PRORP: variants seen among roughly 807,000 people sequenced by gnomAD.
PRORP encodes the protein mitochondrial ribonuclease P catalytic subunit.
In PRORP, 51 loss-of-function variants were observed where a neutral mutation model predicts 59.4. That is an observed-to-expected ratio of 0.86 (90% CI 0.69 to 1.08). PRORP has a LOEUF of 1.08. Among genes scored for constraint, PRORP ranks in the 50% least tolerant of loss-of-function variants. The pLI is 0.00. For synonymous variants in PRORP, 231 were observed against 245.6 expected, an observed-to-expected ratio of 0.94 and a Z score of 0.55; for missense variants, 646 against 690.3, an observed-to-expected ratio of 0.94 and a Z score of 0.72.
chr14:35,227,910 C>T (rs754333544), intron 5 of PRORP, among the ~76,000 whole-genome samples: 1 of 151,490 alleles, frequency 6.6e-6, no homozygotes, highest in Non-Finnish European at 1.5e-5. Context: ...TTTGGGAGGC[C>T]GAGGTCGGTG....
rs577770531 is a variant in PRORP, at chr14:35,262,625, G to A, written c.1276-4102G>A. On this transcript the variant is annotated intron_variant, in intron 5 of 7. Coordinates refer to ENST00000534898, the MANE Select transcript of PRORP (RefSeq NM_014672.4). ...TTGGAAAGAAAGAAAAGAGGCTCCA[G>A]GTTGATAAATGGTGGGGAAACTGAA... 1.0e-4 allele frequency: 75 copies of A among 743,884 alleles called. 1 individual carries two copies. Among genetic ancestry groups the A allele is most frequent in the South Asian group, 9.7e-4 (72 of 74,272 alleles). The allele number at this position is 743,884 out of a possible 1,614,324, so 46.1% of individuals were successfully genotyped here.
chr14:35,230,359 G>T (rs927496446), intron 5 of PRORP, among the ~76,000 whole-genome samples: 1 of 152,144 alleles, frequency 6.6e-6, no homozygotes, highest in Non-Finnish European at 1.5e-5. Flanking sequence ...ACCCATTACT[G>T]TAAATTCTGA....
intron 4 of PRORP, among the ~76,000 whole-genome samples, chr14:35,167,113 T>G (rs1383803402): frequency 2.0e-5 from 3 of 152,210 alleles, no homozygotes; most frequent in African/African-American, 7.2e-5. Context: ...TCCCGTTACC[T>G]GCTTATACCA....
chr14:35,188,424 C>T (rs1266850550), intron 5 of PRORP, among the ~76,000 whole-genome samples: 5 of 151,094 alleles, frequency 3.3e-5, no homozygotes, highest in Non-Finnish European at 5.9e-5. Context: ...CTCCTGACCT[C>T]GTGATCTGCC....
At chr14:35,190,254 C>T (rs1262826287) in intron 5 of PRORP, among the ~76,000 whole-genome samples, 5 of 145,662 alleles carry the variant, frequency 3.4e-5, no homozygotes, top group Middle Eastern at 3.8e-3. Flanking sequence ...CAAAATTAGC[C>T]GGGCGTGGTG....
intron 5 of PRORP, among the ~76,000 whole-genome samples, chr14:35,183,166 A>G (rs1225045582): frequency 6.6e-6 from 1 of 152,080 alleles, no homozygotes; most frequent in African/African-American, 2.4e-5. Context: ...TGTTTGTTAG[A>G]TAAGTTTGTG....
intron 5 of PRORP, chr14:35,222,802 T>G (rs573911115): frequency 2.0e-4 from 31 of 152,328 alleles, no homozygotes; most frequent in African/African-American, 7.0e-4. Flanking sequence ...TCCTGATAGT[T>G]TACTGAGTTT....
chr14:35,203,392 T>C (rs183116542), intron 5 of PRORP, among the ~76,000 whole-genome samples: 39 of 152,096 alleles, frequency 2.6e-4, no homozygotes, highest in Admixed American at 2.4e-3. Flanking sequence ...GCCGGTGTGG[T>C]GGTGGGCTTC....
At chr14:35,205,321 A>T (rs1204371456) in intron 5 of PRORP, among the ~76,000 whole-genome samples, 1 of 152,188 alleles carries the variant, frequency 6.6e-6, no homozygotes, top group Non-Finnish European at 1.5e-5. Context: ...AGCTGGGATT[A>T]CAGGCTAATG....
At chr14:35,210,991 T>A (rs1247069063) in intron 5 of PRORP, among the ~76,000 whole-genome samples, 1 of 152,064 alleles carries the variant, frequency 6.6e-6, no homozygotes, top group Non-Finnish European at 1.5e-5. Context: ...CAGGCTGGTC[T>A]TAAACTGCTG....
At chr14:35,212,572 G>A (rs889715921) in intron 5 of PRORP, among the ~76,000 whole-genome samples, 3 of 152,170 alleles carry the variant, frequency 2.0e-5, no homozygotes, top group Non-Finnish European at 2.9e-5. Flanking sequence ...TCAATGAACA[G>A]TAATATTTTG....
intron 4 of PRORP, among the ~76,000 whole-genome samples, chr14:35,171,884 G>T (rs1595235397): frequency 6.6e-6 from 1 of 151,872 alleles, no homozygotes; most frequent in East Asian, 1.9e-4. Flanking sequence ...CATGTTCACT[G>T]ACTCTTTCTT....
intron 5 of PRORP, among the ~76,000 whole-genome samples, chr14:35,247,940 G>A (rs1375808192): frequency 6.6e-6 from 1 of 152,104 alleles, no homozygotes; most frequent in Non-Finnish European, 1.5e-5. Context: ...AATCCATCTA[G>A]GCCAACGATT....
chr14:35,163,779 T>G (rs1360903085), intron 4 of PRORP, among the ~76,000 whole-genome samples: 1 of 152,148 alleles, frequency 6.6e-6, no homozygotes, highest in Non-Finnish European at 1.5e-5. Flanking sequence ...ATTAATTAGG[T>G]CCCACTTGTC....
intron 5 of PRORP, among the ~76,000 whole-genome samples, chr14:35,252,865 C>T (rs1276113909): frequency 2.6e-5 from 4 of 152,198 alleles, no homozygotes; most frequent in African/African-American, 9.6e-5. Flanking sequence ...CCTTATCCTT[C>T]CATCTCAGTG....
chr14:35,127,452 A>G, intron 3 of PRORP, 27 bp from the exon 4 acceptor site: 1 of 1,474,554 alleles, frequency 6.8e-7, no homozygotes, highest in Non-Finnish European at 9.0e-7. Context: ...ATATTTAAAT[A>G]TTATTATTTA....
chr14:35,195,864 T>TA (rs1484215926), intron 5 of PRORP, among the ~76,000 whole-genome samples: 2 of 152,182 alleles, frequency 1.3e-5, no homozygotes, highest in African/African-American at 2.4e-5. Context: ...AACCAACAGT[T>TA]ATGTTATCAA....
At chr14:35,184,972 T>C (rs1441886551) in intron 5 of PRORP, among the ~76,000 whole-genome samples, 1 of 152,238 alleles carries the variant, frequency 6.6e-6, no homozygotes, top group Non-Finnish European at 1.5e-5. Context: ...TTAATAGTAC[T>C]GCAGTGAACA....
chr14:35,262,267 A>T (rs530802243), intron 5 of PRORP, among the ~76,000 whole-genome samples: 4 of 152,160 alleles, frequency 2.6e-5, no homozygotes, highest in African/African-American at 9.6e-5. Flanking sequence ...CTGCCTCAGC[A>T]TCCCAAAGTG....
Sources: allele counts gnomAD v4.1 joint callset (sites outside exome capture counted in the v4.1 genomes callset), GRCh38; gene constraint gnomAD v4.1.1; transcripts MANE v1.5; gene names NCBI Gene and HGNC (gene_info 2026-07-23, HGNC 2026-07-21).